The following EXOC6B variants were observed in gnomAD, a reference collection of about 807,000 sequenced individuals.
EXOC6B encodes SEC15 homolog B.
A neutral mutation model predicts 113.5 loss-of-function variants in EXOC6B; 54 were observed. The ratio of observed to expected loss-of-function variants is 0.48; its 90% confidence interval spans 0.38 to 0.60. The LOEUF (loss-of-function observed/expected upper bound fraction) is 0.60. EXOC6B is among the 20% of genes least tolerant of loss of function. EXOC6B has a pLI of 0.00. For synonymous variants in EXOC6B, 357 were observed against 339.0 expected (o/e 1.05, Z -0.58); for missense variants, 797 against 977.5 (o/e 0.82, Z 2.46).
At chr2:72,776,588 C>T (rs1683715982) in intron 1 of EXOC6B, among the ~76,000 whole-genome samples, 1 of 151,726 alleles carries the variant, frequency 6.6e-6, no homozygotes, top group African/African-American at 2.4e-5. Context: ...TGCCACTGCA[C>T]TCCAGCCTGG....
intron 1 of EXOC6B, among the ~76,000 whole-genome samples, chr2:72,794,553 C>T (rs971467749): frequency 1.3e-5 from 2 of 152,204 alleles, no homozygotes; most frequent in African/African-American, 4.8e-5. Flanking sequence ...GTCCTCTGTT[C>T]ACTTCTTGGA....
intron 16 of EXOC6B, among the ~76,000 whole-genome samples, chr2:72,485,443 CA>C (rs1228876597): frequency 6.6e-5 from 10 of 152,178 alleles, no homozygotes; most frequent in African/African-American, 2.4e-4. Flanking sequence ...ATTTGCAAAA[CA>C]AAAAATGAAA....
intron 11 of EXOC6B, among the ~76,000 whole-genome samples, chr2:72,502,147 T>C (rs1361201832): frequency 6.6e-6 from 1 of 152,234 alleles, no homozygotes; most frequent in Non-Finnish European, 1.5e-5. Flanking sequence ...TTTAGATTTA[T>C]CTATGAATTG....
chr2:72,367,025 T>C (rs1476277979), intron 19 of EXOC6B, among the ~76,000 whole-genome samples: 3 of 152,028 alleles, frequency 2.0e-5, no homozygotes, highest in African/African-American at 7.2e-5. Context: ...TTATGAAATA[T>C]ATATGAATCA....
At chr2:72,197,245 G>T (rs921535563) in intron 20 of EXOC6B, among the ~76,000 whole-genome samples, 5 of 152,126 alleles carry the variant, frequency 3.3e-5, no homozygotes, top group African/African-American at 1.2e-4. Flanking sequence ...ATAAAGAAAA[G>T]AAATCCCAAA....
At chr2:72,546,424 A>C (rs1347360269) in intron 8 of EXOC6B, among the ~76,000 whole-genome samples, 1 of 152,224 alleles carries the variant, frequency 6.6e-6, no homozygotes, top group Non-Finnish European at 1.5e-5. Flanking sequence ...CCTGGGCGAC[A>C]GAGCGAGACT....
At chr2:72,224,819 TGC>T (rs374010260) in intron 20 of EXOC6B, among the ~76,000 whole-genome samples, 7 of 150,256 alleles carry the variant, frequency 4.7e-5, no homozygotes, top group East Asian at 2.0e-4. Context: ...TGTGTGTGTG[TGC>T]GTGTGTGTAT....
chr2:72,783,243 T>C (rs1684163685), intron 1 of EXOC6B, among the ~76,000 whole-genome samples: 1 of 150,998 alleles, frequency 6.6e-6, no homozygotes, highest in Non-Finnish European at 1.5e-5. Context: ...AATATATCCA[T>C]GGTTTTGATT....
chr2:72,299,599 T>C (rs1240424126), intron 20 of EXOC6B, among the ~76,000 whole-genome samples: 1 of 152,120 alleles, frequency 6.6e-6, no homozygotes, highest in East Asian at 1.9e-4. Context: ...GTTGTGATCC[T>C]TTGGAGGAGA....
At chr2:72,490,518 G>A (rs933828327) in intron 16 of EXOC6B, among the ~76,000 whole-genome samples, 2 of 152,052 alleles carry the variant, frequency 1.3e-5, no homozygotes, top group Non-Finnish European at 2.9e-5. Flanking sequence ...ATTATTCAAA[G>A]TGTATCTCGT....
chr2:72,468,551 A>G (rs1410707624), intron 17 of EXOC6B, among the ~76,000 whole-genome samples: 2 of 152,164 alleles, frequency 1.3e-5, no homozygotes, highest in Non-Finnish European at 2.9e-5. Context: ...TATAACGTGT[A>G]GTAGATTTTG....
At chr2:72,184,888 C>T (rs1678323318) in intron 20 of EXOC6B, among the ~76,000 whole-genome samples, 1 of 152,154 alleles carries the variant, frequency 6.6e-6, no homozygotes, top group African/African-American at 2.4e-5. Context: ...ATTGAGGACA[C>T]AGAGTCTAGC....
intron 1 of EXOC6B, among the ~76,000 whole-genome samples, chr2:72,771,834 T>A (rs1341519487): frequency 6.6e-6 from 1 of 151,782 alleles, no homozygotes; most frequent in South Asian, 2.1e-4. Context: ...AGAGGAAAAA[T>A]AAAAATTACT....
intron 16 of EXOC6B, among the ~76,000 whole-genome samples, chr2:72,489,565 C>A (rs1293419326): frequency 6.6e-6 from 1 of 152,138 alleles, no homozygotes; most frequent in Non-Finnish European, 1.5e-5. Context: ...CACAACATTC[C>A]TGTGAAATAC....
At chr2:72,734,105 TA>T (rs781318456) in intron 2 of EXOC6B, among the ~76,000 whole-genome samples, 1 of 152,186 alleles carries the variant, frequency 6.6e-6, no homozygotes, top group Non-Finnish European at 1.5e-5. Flanking sequence ...CAAATTTATC[TA>T]ACGTAATACC....
chr2:72,305,326 ATAT>A (rs1686773888), intron 20 of EXOC6B, among the ~76,000 whole-genome samples: 1 of 88,774 alleles, frequency 1.1e-5, no homozygotes, highest in African/African-American at 1.3e-4. Flanking sequence ...GGGTGTGTGT[ATAT>A]GTATATGTAT....
intron 8 of EXOC6B, among the ~76,000 whole-genome samples, chr2:72,558,091 C>T (rs944019391): frequency 2.0e-5 from 3 of 151,140 alleles, no homozygotes; most frequent in African/African-American, 7.3e-5. Flanking sequence ...ATATTAAATT[C>T]AATTCTAATG....
intron 1 of EXOC6B, among the ~76,000 whole-genome samples, chr2:72,788,559 G>A (rs1684502387): frequency 6.6e-6 from 1 of 152,178 alleles, no homozygotes; most frequent in African/African-American, 2.4e-5. Context: ...CACTTTGGGA[G>A]GCCAAGCCAG....
At chr2:72,734,451 T>C (rs1366177828) in intron 2 of EXOC6B, among the ~76,000 whole-genome samples, 2 of 152,172 alleles carry the variant, frequency 1.3e-5, no homozygotes, top group Non-Finnish European at 2.9e-5. Context: ...GGAAGCATTG[T>C]CTAAAAGGGG....
Sources: allele counts gnomAD v4.1 joint callset (sites outside exome capture counted in the v4.1 genomes callset), GRCh38; gene constraint gnomAD v4.1.1; transcripts MANE v1.5; gene names NCBI Gene and HGNC (gene_info 2026-07-23, HGNC 2026-07-21).